Variants in MLLT3 observed in about 807,000 individuals in gnomAD.
The protein encoded by MLLT3 is MLLT3 super elongation complex subunit.
MLLT3 carries 4 observed loss-of-function variants against 53.2 expected under a neutral mutation model. The observed-to-expected ratio is 0.08, with a 90% CI of 0.04 to 0.17. The LOEUF (loss-of-function observed/expected upper bound fraction) is 0.17, where lower values mean the gene tolerates loss of function less well. Ranked by LOEUF, MLLT3 falls within the 10% of genes least tolerant of loss-of-function variation. The pLI, the probability that MLLT3 is intolerant of heterozygous loss-of-function variation, is 1.00. For missense variants in MLLT3, 569 were observed against 684.0 expected, an observed-to-expected ratio of 0.83 and a Z score of 1.87; for synonymous variants, 283 against 230.6, an observed-to-expected ratio of 1.23 and a Z score of -2.06.
intron 5 of MLLT3, among the ~76,000 whole-genome samples, chr9:20,405,786 T>G (rs898337090): frequency 6.6e-6 from 1 of 152,172 alleles, no homozygotes; most frequent in African/African-American, 2.4e-5. Context: ...ATCAATTGTT[T>G]GTGTTTTTTT....
At chr9:20,395,503 A>G (rs1430466614) in intron 5 of MLLT3, among the ~76,000 whole-genome samples, 1 of 152,144 alleles carries the variant, frequency 6.6e-6, no homozygotes, top group Non-Finnish European at 1.5e-5. Flanking sequence ...AAAGGTACTA[A>G]TGGGGTAACT....
chr9:20,610,406 C>G (rs1820672505), intron 2 of MLLT3, among the ~76,000 whole-genome samples: 2 of 152,132 alleles, frequency 1.3e-5, no homozygotes, highest in Admixed American at 1.3e-4. Context: ...AAATGTGATT[C>G]TCAGCAGACA....
rs189834793 is a variant in MLLT3 at position 20,584,237 on chromosome 9, A to C, written c.193+36417T>G. Among the ~76,000 whole-genome samples the C allele has an allele frequency of 4.6e-5, 7 of 151,276 alleles. No homozygotes were observed. In the East Asian group the frequency reaches 1.4e-3, roughly 29 times the overall value. ...AAGTTCCTCATCTCCATCTGAGACC[A>C]CCTCAGCCTAGACTTTATTGTTCAT... On this transcript the variant is annotated intron_variant, in intron 2 of 10. Coordinates refer to ENST00000380338, the MANE Select transcript of MLLT3 (RefSeq NM_004529.4).
chr9:20,500,166 T>G (rs1165906649), intron 2 of MLLT3, among the ~76,000 whole-genome samples: 1 of 152,332 alleles, frequency 6.6e-6, no homozygotes, highest in South Asian at 2.1e-4. Context: ...TCAGAGTTTC[T>G]CATTTGGCTG....
intron 2 of MLLT3, among the ~76,000 whole-genome samples, chr9:20,526,774 G>A (rs567841363): frequency 2.0e-5 from 3 of 152,236 alleles, no homozygotes; most frequent in African/African-American, 7.2e-5. Flanking sequence ...CCCACCAGCA[G>A]AGTGAGAATT....
chr9:20,471,912 T>G (rs1824403840), intron 2 of MLLT3, among the ~76,000 whole-genome samples: 1 of 151,960 alleles, frequency 6.6e-6, no homozygotes, highest in South Asian at 2.1e-4. Flanking sequence ...ACACAGCTGT[T>G]TCTTAGCTAA....
chr9:20,590,059 G>A (rs10964627), intron 2 of MLLT3, among the ~76,000 whole-genome samples: 45,675 of 151,978 alleles, frequency 0.3, 7,398 homozygotes, highest in South Asian at 0.42. Flanking sequence ...CCATTCTGTG[G>A]ATAATGAACA....
At chr9:20,393,794 G>A (rs1243209605) in intron 5 of MLLT3, among the ~76,000 whole-genome samples, 1 of 152,092 alleles carries the variant, frequency 6.6e-6, no homozygotes, top group Non-Finnish European at 1.5e-5. Context: ...ACAAGAACAG[G>A]TAAAACTATT....
intron 5 of MLLT3, among the ~76,000 whole-genome samples, chr9:20,388,786 T>C (rs1822109012): frequency 6.6e-6 from 1 of 152,142 alleles, no homozygotes; most frequent in Admixed American, 6.5e-5. Flanking sequence ...AGAATAAGAA[T>C]GTGGGTGAGA....
intron 2 of MLLT3, among the ~76,000 whole-genome samples, chr9:20,473,369 AAT>A (rs1824441976): frequency 6.6e-6 from 1 of 152,152 alleles, no homozygotes; most frequent in Non-Finnish European, 1.5e-5. Flanking sequence ...ACATTATTTT[AAT>A]AATACAAAAA....
intron 4 of MLLT3, among the ~76,000 whole-genome samples, chr9:20,441,569 A>C (rs1211662057): frequency 2.6e-5 from 4 of 152,194 alleles, no homozygotes; most frequent in Non-Finnish European, 5.9e-5. Context: ...AGCTTCTAAG[A>C]AATAACCACA....
intron 2 of MLLT3, among the ~76,000 whole-genome samples, chr9:20,549,603 A>G (rs1818876577): frequency 6.6e-6 from 1 of 152,204 alleles, no homozygotes; most frequent in African/African-American, 2.4e-5. Flanking sequence ...AACAAAGGTC[A>G]CACAGGCGAC....
chr9:20,606,400 G>A (rs780972005), intron 2 of MLLT3, among the ~76,000 whole-genome samples: 22 of 152,128 alleles, frequency 1.4e-4, no homozygotes, highest in South Asian at 6.2e-4. Flanking sequence ...CTAAAGCAGA[G>A]GTTCCTGCCG....
chr9:20,474,160 C>A (rs1043349177), intron 2 of MLLT3, among the ~76,000 whole-genome samples: 2 of 152,084 alleles, frequency 1.3e-5, no homozygotes, highest in Non-Finnish European at 2.9e-5. Flanking sequence ...GCCCTCGACA[C>A]CATTTCTATA....
At chr9:20,437,830 C>T (rs780252558) in intron 4 of MLLT3, among the ~76,000 whole-genome samples, 4 of 152,130 alleles carry the variant, frequency 2.6e-5, no homozygotes, top group Admixed American at 6.6e-5. Flanking sequence ...TTAATCTTTA[C>T]TTTAAAAAAA....
intron 2 of MLLT3, among the ~76,000 whole-genome samples, chr9:20,525,372 T>C (rs1818174976): frequency 6.6e-6 from 1 of 152,108 alleles, no homozygotes; most frequent in Non-Finnish European, 1.5e-5. Flanking sequence ...GGCGTGCACA[T>C]GTAATCCCAG....
chr9:20,451,486 C>T (rs887450403), intron 3 of MLLT3, among the ~76,000 whole-genome samples: 1 of 152,050 alleles, frequency 6.6e-6, no homozygotes, highest in Non-Finnish European at 1.5e-5. Flanking sequence ...ATGGTAAGCA[C>T]CACAGAAAAT....
intron 4 of MLLT3, among the ~76,000 whole-genome samples, chr9:20,427,416 G>A (rs914495501): frequency 6.6e-6 from 1 of 151,570 alleles, no homozygotes; most frequent in Non-Finnish European, 1.5e-5. Context: ...TGAATAAACT[G>A]CCATAATACA....
chr9:20,566,958 T>A (rs1158250093), intron 2 of MLLT3, among the ~76,000 whole-genome samples: 6 of 152,132 alleles, frequency 3.9e-5, no homozygotes, highest in African/African-American at 1.4e-4. Context: ...CCATTAGGAT[T>A]CTGCTATGTC....
Sources: gnomAD v4.1 joint callset for allele counts (sites outside exome capture counted in the v4.1 genomes callset) on GRCh38, gnomAD v4.1.1 for gene constraint, MANE v1.5 for transcripts, NCBI Gene and HGNC (gene_info 2026-07-23, HGNC 2026-07-21) for gene names.